The following USP49 variants were observed in gnomAD, a reference collection of about 807,000 sequenced individuals.
USP49 encodes ubiquitin carboxyl-terminal hydrolase 49.
A neutral mutation model predicts 58.6 loss-of-function variants in USP49; 24 were observed. The observed-to-expected ratio is 0.41, with a 90% CI of 0.30 to 0.58. The LOEUF is 0.58. Among genes scored for constraint, USP49 ranks in the 20% least tolerant of loss-of-function variants. USP49 has a pLI of 0.30. For missense variants in USP49, 703 were observed against 866.1 expected (o/e 0.81, Z 2.36); for synonymous variants, 408 against 365.1 (o/e 1.12, Z -1.34).
At chr6:41,886,843 G>A (rs1270061694) in intron 2 of USP49, among the ~76,000 whole-genome samples, 1 of 152,220 alleles carries the variant, frequency 6.6e-6, no homozygotes, top group African/African-American at 2.4e-5. Flanking sequence ...AGGTTGCAGT[G>A]AGTCAAGATC....
chr6:41,871,385 C>T (rs1368212039), intron 3 of USP49, among the ~76,000 whole-genome samples, 179 bp downstream of exon 3: 4 of 152,054 alleles, frequency 2.6e-5, no homozygotes, highest in African/African-American at 4.8e-5. Context: ...TAAGTTAATT[C>T]GTGGTACTAA....
At chr6:41,885,277 T>C (rs943057423) in intron 2 of USP49, among the ~76,000 whole-genome samples, 3 of 152,180 alleles carry the variant, frequency 2.0e-5, no homozygotes, top group Admixed American at 6.5e-5. Context: ...GTGACATGTC[T>C]ATTCCATATT....
intron 3 of USP49, among the ~76,000 whole-genome samples, chr6:41,811,661 G>C (rs1416830060): frequency 1.3e-5 from 2 of 152,118 alleles, no homozygotes; most frequent in African/African-American, 4.8e-5. Context: ...AAAGTATTCT[G>C]TCAGAATTAC....
rs556829774 is a variant in USP49, at chr6:41,872,549, T to C, written c.-102-912A>G. The stretch of plus-strand genomic sequence containing the variant: ...ATTTTCGACATTAAAGTTTACTTTT[T>C]AATTAAAAGTTTTAAATTGGAGTAC... On this transcript the variant is annotated intron_variant, in intron 2 of 7. Coordinates refer to ENST00000682992, the MANE Select transcript of USP49 (RefSeq NM_001286554.2). 1.1e-4 allele frequency among the ~76,000 whole-genome samples: 16 copies of C among 152,142 alleles called. No homozygotes were observed. The South Asian group carries it at 3.3e-3, about 32-fold the overall frequency.
Position 41,793,992 on chromosome 6 carries a change from C to T in USP49, c.*2541G>A, listed in dbSNP as rs1772844216. The T allele has an allele frequency of 6.6e-6, 1 of 152,186 alleles. No individual in the cohort carries two copies. Among genetic ancestry groups the T allele is most frequent in the Admixed American group, 6.5e-5 (1 of 15,288 alleles). The allele number at this position is 152,186 out of a possible 1,614,324, so 9.4% of individuals were successfully genotyped here. A position where few individuals can be genotyped will look rare whatever the true frequency, so the allele number is the denominator to read the frequency against. On this transcript the variant is annotated 3_prime_UTR_variant, in exon 8 of 8. Transcript: ENST00000682992. ...TTATTTTCTTCTCTTTAGAATGATT[C>T]AATTTCAGATGCAACTGAGACATTC...
At chr6:41,837,629 GAAC>G (rs753127786) in intron 3 of USP49, among the ~76,000 whole-genome samples, 23 of 151,972 alleles carry the variant, frequency 1.5e-4, no homozygotes, top group Non-Finnish European at 1.0e-4. Context: ...GCATAGCAAA[GAAC>G]AACAACAACA....
chr6:41,795,869 G>A lies in USP49; in HGVS notation c.*664C>T, dbSNP rs1473058476. ...AGGGGTATTCATGCCAGTCTCAGAA[G>A]TATGGAATGATTATATGACAGCAGC... On this transcript the variant is annotated 3_prime_UTR_variant, in exon 8 of 8. Coordinates refer to ENST00000682992, the MANE Select transcript of USP49 (RefSeq NM_001286554.2). 6.6e-6 allele frequency: 1 copy of A among 152,164 alleles called. No individual in the cohort carries two copies. Among genetic ancestry groups the A allele is most frequent in the Non-Finnish European group, 1.5e-5 (1 of 68,046 alleles). The allele number at this position is 152,164 out of a possible 1,614,324, so 9.4% of individuals were successfully genotyped here.
At chr6:41,861,002 G>A (rs767604361) in intron 3 of USP49, among the ~76,000 whole-genome samples, 6 of 151,946 alleles carry the variant, frequency 3.9e-5, no homozygotes, top group African/African-American at 7.2e-5. Flanking sequence ...GGTGGCACAC[G>A]CCTGTAATCC....
rs1217104070 is a variant in USP49, at chr6:41,830,839, A to T, written c.-28-23828T>A. ...CTCCGTCTCAAGAGAAAAAAAAAAA[A>T]TTTAGGAAAGCAGCACGAAGCACCA... On this transcript the variant is annotated intron_variant, in intron 3 of 7. Coordinates refer to ENST00000682992, the MANE Select transcript of USP49 (RefSeq NM_001286554.2). Among the ~76,000 whole-genome samples, 6 of 150,774 alleles carry T rather than the reference A, an allele frequency of 4.0e-5. No individual in the cohort carries two copies. The East Asian group carries it at 5.9e-4, about 15-fold the overall frequency.
At chr6:41,815,345 T>A (rs528818274) in intron 3 of USP49, among the ~76,000 whole-genome samples, 2 of 150,576 alleles carry the variant, frequency 1.3e-5, no homozygotes, top group Non-Finnish European at 1.5e-5. Flanking sequence ...GGCGTGAACC[T>A]GGGAGGCGGA....
intron 3 of USP49, among the ~76,000 whole-genome samples, chr6:41,856,456 T>A (rs889328285): frequency 1.3e-5 from 2 of 152,226 alleles, no homozygotes; most frequent in African/African-American, 4.8e-5. Flanking sequence ...TTTTTCCCTT[T>A]GCTTTGCATT....
chr6:41,828,940 C>A (rs1773587657), intron 3 of USP49, among the ~76,000 whole-genome samples: 1 of 152,082 alleles, frequency 6.6e-6, no homozygotes, highest in South Asian at 2.1e-4. Context: ...AAAATTACCT[C>A]TTTATTATAT....
At chr6:41,824,787 T>A (rs915101789) in intron 3 of USP49, among the ~76,000 whole-genome samples, 2 of 152,148 alleles carry the variant, frequency 1.3e-5, no homozygotes, top group African/African-American at 4.8e-5. Flanking sequence ...GAAAGCAGAA[T>A]CAGCCTTAGC....
intron 3 of USP49, among the ~76,000 whole-genome samples, chr6:41,807,297 T>C (rs1047131372): frequency 3.9e-5 from 6 of 152,092 alleles, no homozygotes; most frequent in Non-Finnish European, 4.4e-5. Context: ...GTGGGAGAGA[T>C]GAAGAAACTC....
intron 3 of USP49, among the ~76,000 whole-genome samples, chr6:41,841,034 A>C (rs1773818601): frequency 6.6e-6 from 1 of 150,516 alleles, no homozygotes; most frequent in East Asian, 1.9e-4. Context: ...AACAAAAAAC[A>C]AAAAAAAACC....
intron 7 of USP49, among the ~76,000 whole-genome samples, chr6:41,797,303 T>C (rs1772904124): frequency 6.6e-6 from 1 of 152,192 alleles, no homozygotes; most frequent in Non-Finnish European, 1.5e-5. Context: ...GGCTTTTTCA[T>C]TGTCCACTAG....
intron 2 of USP49, among the ~76,000 whole-genome samples, chr6:41,889,039 T>A (rs1232675496): frequency 6.6e-6 from 1 of 152,130 alleles, no homozygotes; most frequent in Non-Finnish European, 1.5e-5. Flanking sequence ...AATTTTTTTT[T>A]TTTTTATTTT....
intron 3 of USP49, among the ~76,000 whole-genome samples, chr6:41,811,456 G>A (rs1773256234): frequency 6.6e-6 from 1 of 152,086 alleles, no homozygotes; most frequent in African/African-American, 2.4e-5. Context: ...AGGTATGTAT[G>A]TACAGGAAAA....
At position 41,806,807 on chromosome 6, in the gene USP49, C is replaced by T; in HGVS notation, c.177G>A (p.Glu59=). ...YIEDHALKHF[E]ETGHPLAMEV... ...CCATGGCTAGCGGGTGTCCCGTCTCCTCAAAGTGTTTCAGGGCGTGGTCCT... is the reference window on the plus strand; with the variant it reads ...CCATGGCTAGCGGGTGTCCCGTCTCTTCAAAGTGTTTCAGGGCGTGGTCCT... Residue 59 remains glutamate, a synonymous_variant, in exon 4 of 8, where the codon GAG becomes GAA. Transcript: ENST00000682992. This position sits in a 1 kb window ranked among gnomAD's most constrained non-coding sequence, Gnocchi z 5.9. 6.2e-7 allele frequency: 1 copy of T among 1,614,190 alleles called. No homozygotes were observed. The highest frequency in any genetic ancestry group is 8.5e-7 in the Non-Finnish European group (1 of 1,180,032).
Sources: gnomAD v4.1 joint callset for allele counts (sites outside exome capture counted in the v4.1 genomes callset) on GRCh38, gnomAD v4.1.1 for gene constraint, Gnocchi (gnomAD v3.1) non-coding constraint, MANE v1.5 for transcripts, NCBI Gene and HGNC (gene_info 2026-07-23, HGNC 2026-07-21) for gene names.